WWOX: variants seen among roughly 807,000 people sequenced by gnomAD.
WWOX encodes the protein WW domain-containing oxidoreductase.
Under a neutral mutation model 46.2 loss-of-function variants are expected in WWOX, and 69 were observed. That is an observed-to-expected ratio of 1.49 (90% CI 1.23 to 1.82). WWOX has a LOEUF of 1.82. WWOX is among the 40% of genes most tolerant of loss of function. The probability of loss-of-function intolerance (pLI) is 0.00; values close to 1 mark genes in which losing one functional copy is unlikely to be tolerated. For synonymous variants in WWOX, 359 were observed against 202.6 expected, an observed-to-expected ratio of 1.77 and a Z score of -6.56; for missense variants, 919 against 542.6, an observed-to-expected ratio of 1.69 and a Z score of -6.89.
chr16:78,441,988 G>A (rs890874173), intron 8 of WWOX, among the ~76,000 whole-genome samples: 2 of 151,064 alleles, frequency 1.3e-5, no homozygotes, highest in Non-Finnish European at 2.9e-5. Flanking sequence ...GTGTGTGTGT[G>A]TGGCTGGGCA....
chr16:78,969,010 C>G (rs943963279), intron 8 of WWOX, among the ~76,000 whole-genome samples: 2 of 152,096 alleles, frequency 1.3e-5, no homozygotes, highest in Non-Finnish European at 2.9e-5. Flanking sequence ...GATGGACTGC[C>G]TGGAACCCGG....
chr16:78,825,404 C>T (rs75428781), intron 8 of WWOX: 3,332 of 295,408 alleles, frequency 0.011, 80 homozygotes, highest in East Asian at 0.051. Context: ...GTTCAAGTTA[C>T]ACCCATCACG....
At chr16:78,203,747 G>C (rs1411982326) in intron 5 of WWOX, among the ~76,000 whole-genome samples, 1 of 152,142 alleles carries the variant, frequency 6.6e-6, no homozygotes, top group Non-Finnish European at 1.5e-5. Flanking sequence ...GAGGCTCAAT[G>C]TTCAAGAAGG....
At chr16:78,364,608 A>G (rs1287794376) in intron 5 of WWOX, among the ~76,000 whole-genome samples, 2 of 151,604 alleles carry the variant, frequency 1.3e-5, no homozygotes, top group African/African-American at 4.8e-5. Flanking sequence ...ATAAAAATAA[A>G]CTGTTTGTCG....
chr16:78,173,934 A>C (rs909493483), intron 5 of WWOX, among the ~76,000 whole-genome samples: 4 of 151,908 alleles, frequency 2.6e-5, no homozygotes, highest in Admixed American at 6.6e-5. Context: ...CTGTGTCCTC[A>C]TATGGTGGAG....
chr16:78,316,324 G>C (rs1210227983), intron 5 of WWOX, among the ~76,000 whole-genome samples: 1 of 152,130 alleles, frequency 6.6e-6, no homozygotes, highest in African/African-American at 2.4e-5. Context: ...GCTTTGTTAG[G>C]TTAGATTCCC....
chr16:79,174,422 G>C (rs575534647), intron 8 of WWOX, among the ~76,000 whole-genome samples: 1 of 152,308 alleles, frequency 6.6e-6, no homozygotes, highest in Admixed American at 6.5e-5. Context: ...GCTGAGGCAG[G>C]TGGATCACCT....
chr16:78,365,030 C>G lies in WWOX; in HGVS notation c.517-21830C>G, dbSNP rs556255299. On this transcript the variant is annotated intron_variant, in intron 5 of 8. Transcript: ENST00000566780. ...ACTATGGGTTGAGCTGTGGGTAATT[C>G]TTTGGGGCCGGTTAGACTTGGGTTC... Among the ~76,000 whole-genome samples, 11 of 152,238 alleles carry G rather than the reference C, an allele frequency of 7.2e-5. 1 individual carries two copies. In the South Asian group the frequency reaches 2.1e-3, roughly 29 times the overall value.
At chr16:78,310,764 C>G (rs1381768126) in intron 5 of WWOX, among the ~76,000 whole-genome samples, 1 of 152,222 alleles carries the variant, frequency 6.6e-6, no homozygotes, top group African/African-American at 2.4e-5. Flanking sequence ...TTTGCTTGCT[C>G]TCACAGCTGT....
At chr16:79,069,724 C>T (rs575232722) in intron 8 of WWOX, among the ~76,000 whole-genome samples, 16 of 152,156 alleles carry the variant, frequency 1.1e-4, no homozygotes, top group Middle Eastern at 3.4e-3. Flanking sequence ...AGTGTGTGGT[C>T]ACCATAGATG....
chr16:78,805,989 TAAGAC>T (rs931605682), intron 8 of WWOX, among the ~76,000 whole-genome samples: 5 of 152,330 alleles, frequency 3.3e-5, no homozygotes, highest in South Asian at 2.1e-4. Context: ...AGGATCCTCT[TAAGAC>T]AAGAAATCTT....
intron 8 of WWOX, among the ~76,000 whole-genome samples, chr16:78,441,846 T>A (rs1342617740): frequency 1.3e-5 from 2 of 152,052 alleles, no homozygotes; most frequent in African/African-American, 4.8e-5. Flanking sequence ...ATTATGAATG[T>A]TCAGCATTCA....
intron 8 of WWOX, among the ~76,000 whole-genome samples, chr16:78,924,657 C>G (rs560271658): frequency 1.0e-3 from 159 of 152,318 alleles, no homozygotes; most frequent in African/African-American, 3.8e-3. Context: ...CCACGATTAT[C>G]CATTCAACAT....
intron 8 of WWOX, among the ~76,000 whole-genome samples, chr16:78,775,541 C>G (rs964503068): frequency 6.6e-6 from 1 of 152,108 alleles, no homozygotes; most frequent in African/African-American, 2.4e-5. Context: ...AGAGTATGGG[C>G]TTTGAAACTG....
intron 5 of WWOX, among the ~76,000 whole-genome samples, chr16:78,362,288 G>T (rs367605091): frequency 2.0e-4 from 30 of 152,014 alleles, no homozygotes; most frequent in African/African-American, 5.6e-4. Context: ...ACACAGCAAG[G>T]TGATGATGGG....
chr16:79,011,185 C>G (rs1324704928), intron 8 of WWOX, among the ~76,000 whole-genome samples: 1 of 148,786 alleles, frequency 6.7e-6, no homozygotes, highest in Non-Finnish European at 1.5e-5. Context: ...TTTTTTGGAA[C>G]CATTGAAAAG....
In WWOX at chr16:78,642,660, T is replaced by G. The variant is rs138001341; in HGVS notation, c.1056+209908T>G. On this transcript the variant is annotated intron_variant, in intron 8 of 8. Coordinates refer to ENST00000566780, the MANE Select transcript of WWOX (RefSeq NM_016373.4). ...ATGGATGAAGACTCCCTTTCATGTT[T>G]CCCTTCTTTGGTGTCCATGGCAGTT... Among the ~76,000 whole-genome samples the G allele has an allele frequency of 3.2e-3, 484 of 152,214 alleles. 3 individuals carry two copies. The highest frequency in any genetic ancestry group is 0.011 in the African/African-American group (464 of 41,534).
At chr16:78,600,836 A>G (rs2045604794) in intron 8 of WWOX, among the ~76,000 whole-genome samples, 1 of 152,122 alleles carries the variant, frequency 6.6e-6, no homozygotes, top group Admixed American at 6.5e-5. Context: ...CTCAGATGTC[A>G]CTGTGCAGGT....
chr16:78,783,672 C>G (rs11864756), intron 8 of WWOX, among the ~76,000 whole-genome samples: 6,319 of 152,094 alleles, frequency 0.042, 470 homozygotes, highest in African/African-American at 0.15. Context: ...TAAATGTCTT[C>G]TGAATAAAAG....
Sources: gnomAD v4.1 joint callset for allele counts (sites outside exome capture counted in the v4.1 genomes callset) on GRCh38, gnomAD v4.1.1 for gene constraint, MANE v1.5 for transcripts, NCBI Gene and HGNC (gene_info 2026-07-23, HGNC 2026-07-21) for gene names.